Variants in GRM8 observed in about 807,000 individuals in gnomAD.
The protein encoded by GRM8 is metabotropic glutamate receptor 8.
A neutral mutation model predicts 87.2 loss-of-function variants in GRM8; 47 were observed. That is an observed-to-expected ratio of 0.54 (90% CI 0.43 to 0.69). The LOEUF is 0.69. GRM8 is among the 30% of genes least tolerant of loss of function. The pLI is 0.00. For synonymous variants in GRM8, 396 were observed against 404.5 expected, an observed-to-expected ratio of 0.98 and a Z score of 0.25; for missense variants, 1,019 against 1,139.2, an observed-to-expected ratio of 0.89 and a Z score of 1.52.
intron 6 of GRM8, among the ~76,000 whole-genome samples, chr7:126,877,593 A>G (rs1216235091): frequency 6.7e-6 from 1 of 149,532 alleles, no homozygotes; most frequent in Non-Finnish European, 1.5e-5. Flanking sequence ...AGCTCATTCT[A>G]TTCTCTGTCT....
At chr7:126,663,379 T>C (rs188300906) in intron 7 of GRM8, among the ~76,000 whole-genome samples, 7 of 152,236 alleles carry the variant, frequency 4.6e-5, no homozygotes, top group East Asian at 3.9e-4. Flanking sequence ...TGAACATAGA[T>C]TGAAAAATCC....
intron 7 of GRM8, among the ~76,000 whole-genome samples, chr7:126,694,533 A>T (rs942571060): frequency 5.9e-5 from 9 of 152,052 alleles, no homozygotes; most frequent in African/African-American, 9.7e-5. Context: ...GCTGTTACTT[A>T]CTCAATTTTT....
At chr7:127,080,126 T>C (rs1051072457) in intron 3 of GRM8, among the ~76,000 whole-genome samples, 2 of 152,130 alleles carry the variant, frequency 1.3e-5, no homozygotes, top group African/African-American at 2.4e-5. Context: ...GGTGGGCCCA[T>C]TGTAACCACA....
At chr7:126,468,106 G>A (rs1017032756) in intron 9 of GRM8, among the ~76,000 whole-genome samples, 1 of 151,862 alleles carries the variant, frequency 6.6e-6, no homozygotes, top group Non-Finnish European at 1.5e-5. Flanking sequence ...AAACCATGAA[G>A]CCCATAAAGC....
intron 6 of GRM8, among the ~76,000 whole-genome samples, chr7:126,799,548 G>A (rs1822404896): frequency 2.6e-5 from 4 of 152,100 alleles, no homozygotes. Flanking sequence ...TTGGCACACA[G>A]GAACACAGGA....
chr7:126,681,959 CTTGAAT>C (rs1807646127), intron 7 of GRM8, among the ~76,000 whole-genome samples: 1 of 152,048 alleles, frequency 6.6e-6, no homozygotes, highest in Non-Finnish European at 1.5e-5. Context: ...GTATGTTTTA[CTTGAAT>C]TTGATGAGCC....
chr7:127,106,814 A>G (rs1251527705), intron 2 of GRM8, 102 bp from the exon 3 acceptor site: 1 of 808,916 alleles, frequency 1.2e-6, no homozygotes, highest in Admixed American at 2.2e-5. Context: ...AAACCTAGAC[A>G]TATCAACCTG....
intron 9 of GRM8, among the ~76,000 whole-genome samples, chr7:126,490,689 CA>C (rs1807902132): frequency 6.6e-6 from 1 of 152,004 alleles, no homozygotes; most frequent in African/African-American, 2.4e-5. Context: ...GTTTCAGTCA[CA>C]ATGTTTCCTC....
intron 8 of GRM8, among the ~76,000 whole-genome samples, chr7:126,600,492 T>C (rs975267): frequency 0.83 from 126,055 of 152,062 alleles, 52,692 homozygotes; most frequent in East Asian, 0.94. Flanking sequence ...ACTGATGCCC[T>C]GCCATGGACT....
intron 6 of GRM8, among the ~76,000 whole-genome samples, chr7:126,832,376 T>C (rs534389309): frequency 6.6e-6 from 1 of 152,228 alleles, no homozygotes; most frequent in East Asian, 1.9e-4. Flanking sequence ...TCATTGTAAA[T>C]GCCTTTTCTT....
intron 6 of GRM8, among the ~76,000 whole-genome samples, chr7:126,885,574 C>A (rs1376531062): frequency 6.6e-6 from 1 of 152,098 alleles, no homozygotes; most frequent in African/African-American, 2.4e-5. Context: ...GAAGAAAAGT[C>A]GTGGCTTTTC....
chr7:127,046,320 C>T (rs1279323385), intron 3 of GRM8, among the ~76,000 whole-genome samples: 1 of 151,604 alleles, frequency 6.6e-6, no homozygotes, highest in African/African-American at 2.4e-5. Flanking sequence ...TGCAGTGAGC[C>T]GAGGTCGCAC....
At chr7:126,538,491 A>G (rs1197431395) in intron 8 of GRM8, among the ~76,000 whole-genome samples, 1 of 152,056 alleles carries the variant, frequency 6.6e-6, no homozygotes, top group East Asian at 1.9e-4. Flanking sequence ...CCTAAATATC[A>G]AGTGGTATTT....
intron 8 of GRM8, among the ~76,000 whole-genome samples, chr7:126,602,811 G>C (rs1409773836): frequency 2.7e-5 from 4 of 148,366 alleles, no homozygotes; most frequent in Middle Eastern, 3.5e-3. Flanking sequence ...GAGGTACAAG[G>C]AGGAACTGGT....
At chr7:127,182,620 T>C (rs1483376309) in intron 2 of GRM8, among the ~76,000 whole-genome samples, 1 of 148,536 alleles carries the variant, frequency 6.7e-6, no homozygotes, top group Non-Finnish European at 1.5e-5. Flanking sequence ...AATGAGTAGA[T>C]AAAGAAAGTG....
At chr7:127,086,344 C>A (rs12154261) in intron 3 of GRM8, among the ~76,000 whole-genome samples, 26,665 of 152,174 alleles carry the variant, frequency 0.18, 2,505 homozygotes, top group Middle Eastern at 0.25. Context: ...TCGTGATCTG[C>A]CTGCCTCGGC....
chr7:126,455,574 T>C (rs1405239881), intron 9 of GRM8, among the ~76,000 whole-genome samples: 3 of 151,810 alleles, frequency 2.0e-5, no homozygotes, highest in Non-Finnish European at 4.4e-5. Context: ...GCTCTGGCTT[T>C]CTTATAATTA....
chr7:126,499,778 G>A (rs1312659533), intron 9 of GRM8, among the ~76,000 whole-genome samples: 2 of 151,900 alleles, frequency 1.3e-5, no homozygotes, highest in Admixed American at 6.6e-5. Context: ...GTAGAATGGT[G>A]GTTACCAGAG....
chr7:127,190,152 A>G (rs918120893), intron 2 of GRM8, among the ~76,000 whole-genome samples: 7 of 152,300 alleles, frequency 4.6e-5, no homozygotes, highest in African/African-American at 1.7e-4. Flanking sequence ...CTCATCCTCT[A>G]GAGCAGGCTA....
Sources: gnomAD v4.1 joint callset for allele counts (sites outside exome capture counted in the v4.1 genomes callset) on GRCh38, gnomAD v4.1.1 for gene constraint, MANE v1.5 for transcripts, NCBI Gene and HGNC (gene_info 2026-07-23, HGNC 2026-07-21) for gene names.